The following B3GALNT2 variants were observed in gnomAD, a reference collection of about 807,000 sequenced individuals.
The protein encoded by B3GALNT2 is beta-1,3-N-acetylgalactosaminyltransferase 2.
In B3GALNT2, 53 loss-of-function variants were observed where a neutral mutation model predicts 61.1. That is an observed-to-expected ratio of 0.87 (90% CI 0.70 to 1.09). The LOEUF (loss-of-function observed/expected upper bound fraction) is 1.09. B3GALNT2 is among the 50% of genes least tolerant of loss of function. B3GALNT2 has a pLI of 0.00. For missense variants in B3GALNT2, 544 were observed against 623.0 expected, an observed-to-expected ratio of 0.87 and a Z score of 1.35; for synonymous variants, 223 against 237.4, an observed-to-expected ratio of 0.94 and a Z score of 0.56.
intron 5 of B3GALNT2, among the ~76,000 whole-genome samples, chr1:235,472,125 A>T (rs1684037323): frequency 6.6e-6 from 1 of 152,194 alleles, no homozygotes; most frequent in Non-Finnish European, 1.5e-5. Flanking sequence ...AGCTTTTAAT[A>T]AAGTAATTAT....
intron 6 of B3GALNT2, among the ~76,000 whole-genome samples, chr1:235,467,199 A>T (rs938067624): frequency 6.6e-6 from 1 of 152,116 alleles, no homozygotes; most frequent in Non-Finnish European, 1.5e-5. Context: ...ATACAGAAAA[A>T]TTAGCTAGGC....
chr1:235,448,632 C>G lies in B3GALNT2; in HGVS notation c.*1574G>C, dbSNP rs759672218. The G allele has an allele frequency of 6.4e-7, 1 of 1,553,482 alleles. No homozygotes were observed. Among genetic ancestry groups the G allele is most frequent in the Non-Finnish European group, 8.9e-7 (1 of 1,125,332 alleles). Reference sequence around the variant, plus strand: ...GTGTAGCATGCTTTATCGGATCTGTCTTAATCACATCCTTCCCCACCTTCG... The same window carrying G: ...GTGTAGCATGCTTTATCGGATCTGTGTTAATCACATCCTTCCCCACCTTCG... On this transcript the variant is annotated 3_prime_UTR_variant, in exon 12 of 12. Transcript: ENST00000366600.
chr1:235,468,259 T>A (rs2102809722), intron 6 of B3GALNT2, among the ~76,000 whole-genome samples: 1 of 152,326 alleles, frequency 6.6e-6, no homozygotes, highest in Non-Finnish European at 1.5e-5. Context: ...TGTACGCATT[T>A]GTGATGAAAA....
rs1039290570 is a variant in B3GALNT2 at position 235,448,256 on chromosome 1, C to T, written c.*1950G>A. 5 of 787,610 alleles carry T rather than the reference C, an allele frequency of 6.3e-6. No homozygotes were observed. Among genetic ancestry groups the T allele is most frequent in the Non-Finnish European group, 8.9e-6 (4 of 450,146 alleles). The allele number at this position is 787,610 out of a possible 1,614,324, so 48.8% of individuals were successfully genotyped here. A position where few individuals can be genotyped will look rare whatever the true frequency, so the allele number is the denominator to read the frequency against. On this transcript the variant is annotated 3_prime_UTR_variant, in exon 12 of 12. Coordinates refer to ENST00000366600, the MANE Select transcript of B3GALNT2 (RefSeq NM_152490.5). ...AAAAAAAAAAGACAGATACAGCTAT[C>T]ATTGCAATGATACTGTGGTCTCATC...
intron 5 of B3GALNT2, among the ~76,000 whole-genome samples, chr1:235,471,784 TC>T (rs1558422485): frequency 6.6e-6 from 1 of 152,174 alleles, no homozygotes; most frequent in African/African-American, 2.4e-5. Flanking sequence ...TGCTTCAGCC[TC>T]CCGCGTAGCT....
downstream of B3GALNT2, among the ~76,000 whole-genome samples, chr1:235,444,437 C>T (rs554473277): frequency 3.1e-4 from 47 of 152,206 alleles, no homozygotes; most frequent in African/African-American, 1.0e-3. Context: ...CTGGCTGTCA[C>T]TCACGCTGGA....
intron 7 of B3GALNT2, among the ~76,000 whole-genome samples, chr1:235,462,379 G>T (rs1223370853): frequency 6.6e-6 from 1 of 152,074 alleles, no homozygotes; most frequent in Non-Finnish European, 1.5e-5. Flanking sequence ...AGGACAATCA[G>T]ATAAGAAAAA....
chr1:235,502,305 G>A (rs1685619034), intron 1 of B3GALNT2, among the ~76,000 whole-genome samples: 1 of 152,170 alleles, frequency 6.6e-6, no homozygotes, highest in Non-Finnish European at 1.5e-5. Context: ...GAGGCACCGC[G>A]CCGGGCCAGT....
chr1:235,441,699 C>A, the B3GALNT2 span: 1 of 933,546 alleles, frequency 1.1e-6, no homozygotes, highest in Non-Finnish European at 1.7e-6. Context: ...TCCATGTGTC[C>A]TGGGAAAGGC....
At position 235,448,020 on chromosome 1, in the gene B3GALNT2, C is replaced by T. The variant is rs1012877972; in HGVS notation, c.*2186G>A. On this transcript the variant is annotated 3_prime_UTR_variant, in exon 12 of 12. Transcript: ENST00000366600. The stretch of plus-strand genomic sequence containing the variant: ...GGTCAGGAGTTCAAGACCAGCCTGG[C>T]CAACATGGTGAAACCCCGTCTCTAC... Among the ~76,000 whole-genome samples the T allele has an allele frequency of 2.0e-5, 3 of 152,052 alleles. No individual in the cohort carries two copies. Among genetic ancestry groups the T allele is most frequent in the East Asian group, 1.9e-4 (1 of 5,162 alleles).
chr1:235,441,448 A>G, the B3GALNT2 span: 2 of 282,296 alleles, frequency 7.1e-6, no homozygotes, highest in South Asian at 7.7e-5. Flanking sequence ...CGGGGAAAAC[A>G]TTTGAAGTAT....
chr1:235,463,339 T>C (rs1315630801), intron 7 of B3GALNT2: 1 of 152,094 alleles, frequency 6.6e-6, no homozygotes, highest in East Asian at 1.9e-4. Context: ...CTTATTCATG[T>C]AATCAAACAC....
At chr1:235,455,728 A>T (rs886165755) in intron 8 of B3GALNT2, 44 bp from the exon 9 acceptor site, 5 of 1,569,332 alleles carry the variant, frequency 3.2e-6, no homozygotes, top group Non-Finnish European at 4.4e-6. Context: ...GACCAAACAA[A>T]CAAACACCAA....
intron 7 of B3GALNT2, chr1:235,463,551 C>A (rs1178221805): frequency 2.1e-5 from 3 of 145,348 alleles, no homozygotes; most frequent in Admixed American, 6.9e-5. Context: ...TTGGAGGATT[C>A]ACATTTCCTA....
chr1:235,471,912 C>A (rs1684026964), intron 5 of B3GALNT2, among the ~76,000 whole-genome samples: 1 of 151,986 alleles, frequency 6.6e-6, no homozygotes, highest in Admixed American at 6.5e-5. Flanking sequence ...ATCTGCCCAC[C>A]CTGGCCTCCC....
chr1:235,472,170 T>C (rs1684038689), intron 5 of B3GALNT2, among the ~76,000 whole-genome samples: 1 of 152,120 alleles, frequency 6.6e-6, no homozygotes, highest in African/African-American at 2.4e-5. Flanking sequence ...GCTAAAATAG[T>C]TTTTCATTTG....
At chr1:235,452,862 T>C (rs1197569188) in intron 11 of B3GALNT2, among the ~76,000 whole-genome samples, 3 of 152,198 alleles carry the variant, frequency 2.0e-5, no homozygotes, top group Non-Finnish European at 4.4e-5. Flanking sequence ...CCCAAAACTT[T>C]TTGAGAGCCA....
Position 235,485,417 on chromosome 1 carries a change from G to A in B3GALNT2, c.362-902C>T, listed in dbSNP as rs1005459880. Among the ~76,000 whole-genome samples the A allele has an allele frequency of 1.1e-4, 17 of 152,240 alleles. No individual in the cohort carries two copies. In the South Asian group the frequency reaches 1.2e-3, roughly 11 times the overall value. ...CAGTCTCAACCTCCTTTGCTCAAGGGATCCTCCTGCCTCAGCCTCCTGAGT... is the reference window on the plus strand; with the variant it reads ...CAGTCTCAACCTCCTTTGCTCAAGGAATCCTCCTGCCTCAGCCTCCTGAGT... On this transcript the variant is annotated intron_variant, in intron 3 of 11. Transcript: ENST00000366600.
Position 235,454,324 on chromosome 1 carries a change from A to C in B3GALNT2, c.1152-9T>G, listed in dbSNP as rs761126849. On this transcript the variant is annotated splice_polypyrimidine_tract_variant and intron_variant, in intron 9 of 11. Coordinates refer to ENST00000366600, the MANE Select transcript of B3GALNT2 (RefSeq NM_152490.5). ...CCCAATTCAGTCTGAAACTGAGATG[A>C]AAAATAATGTGGCCTCTTGTGTTAG... 6.2e-7 allele frequency: 1 copy of C among 1,605,478 alleles called. No individual in the cohort carries two copies. Among genetic ancestry groups the C allele is most frequent in the East Asian group, 2.2e-5 (1 of 44,644 alleles).
Sources: gnomAD v4.1 joint callset for allele counts (sites outside exome capture counted in the v4.1 genomes callset) on GRCh38, gnomAD v4.1.1 for gene constraint, MANE v1.5 for transcripts, NCBI Gene and HGNC (gene_info 2026-07-23, HGNC 2026-07-21) for gene names.